CSMD1: variants seen among roughly 807,000 people sequenced by gnomAD.
CSMD1 encodes CUB and Sushi multiple domains 1.
CSMD1 carries 213 observed loss-of-function variants against 417.5 expected under a neutral mutation model. The observed-to-expected ratio is 0.51, with a 90% CI of 0.46 to 0.57. The LOEUF (loss-of-function observed/expected upper bound fraction) is 0.57. Among genes scored for constraint, CSMD1 ranks in the 20% least tolerant of loss-of-function variants. The pLI, the probability that CSMD1 is intolerant of heterozygous loss-of-function variation, is 0.00. For synonymous variants in CSMD1, 2,862 were observed against 1,736.8 expected (o/e 1.65, Z -16.11); for missense variants, 6,923 against 4,529.7 (o/e 1.53, Z -15.17).
chr8:3,472,535 T>C (rs762430717), intron 11 of CSMD1, among the ~76,000 whole-genome samples: 1 of 152,102 alleles, frequency 6.6e-6, no homozygotes, highest in South Asian at 2.1e-4. Flanking sequence ...CTCTCTATCT[T>C]CCTGTATGTG....
At chr8:3,209,483 A>T (rs1262980401) in intron 30 of CSMD1, among the ~76,000 whole-genome samples, 1 of 151,692 alleles carries the variant, frequency 6.6e-6, no homozygotes, top group Non-Finnish European at 1.5e-5. Flanking sequence ...TGCCCGGCTA[A>T]TTTTTTTGTA....
chr8:3,259,046 G>A (rs1800864677), intron 26 of CSMD1, among the ~76,000 whole-genome samples: 1 of 152,136 alleles, frequency 6.6e-6, no homozygotes, highest in South Asian at 2.1e-4. Flanking sequence ...GTACTCCAGA[G>A]CTCTAGGGAA....
chr8:4,832,040 T>C (rs1179505311), intron 1 of CSMD1, among the ~76,000 whole-genome samples: 1 of 152,232 alleles, frequency 6.6e-6, no homozygotes, highest in Non-Finnish European at 1.5e-5. Context: ...ATGCCACATG[T>C]TACCTTACAA....
Position 4,619,857 on chromosome 8 carries a change from A to C in CSMD1, c.302+17485T>G, listed in dbSNP as rs551197351. On this transcript the variant is annotated intron_variant, in intron 2 of 69. Transcript: ENST00000635120. ...TTGGAATTAAATAATTCCATGATAA[A>C]ATGAAGTCATTTTAGGACAATTACA... Among the ~76,000 whole-genome samples, 22 of 152,224 alleles carry C rather than the reference A, an allele frequency of 1.4e-4. No homozygotes were observed. The East Asian group carries it at 4.2e-3, about 29-fold the overall frequency.
At chr8:4,741,688 C>A (rs957421130) in intron 1 of CSMD1, among the ~76,000 whole-genome samples, 6 of 152,100 alleles carry the variant, frequency 3.9e-5, no homozygotes, top group Non-Finnish European at 8.8e-5. Context: ...ACATCTTTTC[C>A]ATTGTCTTCA....
At chr8:3,669,592 C>G (rs558687052) in intron 7 of CSMD1, among the ~76,000 whole-genome samples, 3 of 152,162 alleles carry the variant, frequency 2.0e-5, no homozygotes, top group Non-Finnish European at 4.4e-5. Context: ...CTCTTCCGGA[C>G]AGAAAATCAC....
chr8:3,407,422 T>TGGAC (rs1185854298), intron 14 of CSMD1, among the ~76,000 whole-genome samples: 2 of 149,034 alleles, frequency 1.3e-5, no homozygotes, highest in African/African-American at 5.0e-5. Flanking sequence ...GATGGAAGGA[T>TGGAC]GGATGGATAG....
chr8:3,494,483 A>T (rs993798123), intron 10 of CSMD1, among the ~76,000 whole-genome samples: 3 of 152,134 alleles, frequency 2.0e-5, no homozygotes, highest in African/African-American at 7.2e-5. Flanking sequence ...ACATGATGAT[A>T]ATTAGAGGAA....
Position 3,713,752 on chromosome 8 carries a change from G to A in CSMD1, c.932-5261C>T, listed in dbSNP as rs141933915. On this transcript the variant is annotated intron_variant, in intron 6 of 69. Transcript: ENST00000635120. The stretch of plus-strand genomic sequence containing the variant: ...GTACTCAATATGAGGAGATGCCATT[G>A]CAAATCCTCACAAATCACAGAGGAA... 4.7e-3 allele frequency among the ~76,000 whole-genome samples: 714 copies of A among 152,292 alleles called. 5 individuals are homozygous for A. The highest frequency in any genetic ancestry group is 0.017 in the African/African-American group (698 of 41,550).
intron 3 of CSMD1, among the ~76,000 whole-genome samples, chr8:4,091,504 T>A (rs1410843806): frequency 6.6e-6 from 1 of 152,236 alleles, no homozygotes; most frequent in Non-Finnish European, 1.5e-5. Flanking sequence ...ATATGCTGCA[T>A]TGCTGGAAGA....
intron 3 of CSMD1, among the ~76,000 whole-genome samples, chr8:4,385,141 G>T (rs1199662736): frequency 7.3e-6 from 1 of 136,578 alleles, no homozygotes; most frequent in Admixed American, 7.5e-5. Context: ...TGGCCAGGCT[G>T]GTCTTGAACT....
chr8:3,247,504 C>T (rs1799959140), intron 26 of CSMD1, among the ~76,000 whole-genome samples: 2 of 152,162 alleles, frequency 1.3e-5, no homozygotes, highest in African/African-American at 4.8e-5. Context: ...AGAAAAGGCC[C>T]ATCCAACCCT....
At chr8:4,057,293 G>C (rs1427994166) in intron 3 of CSMD1, among the ~76,000 whole-genome samples, 1 of 152,176 alleles carries the variant, frequency 6.6e-6, no homozygotes, top group Admixed American at 6.5e-5. Flanking sequence ...GTGATGGTGA[G>C]CATTTTTTCA....
At chr8:3,035,313 C>T (rs1307671466) in intron 50 of CSMD1, among the ~76,000 whole-genome samples, 1 of 152,116 alleles carries the variant, frequency 6.6e-6, no homozygotes, top group Non-Finnish European at 1.5e-5. Context: ...TGTAATTCTA[C>T]TGTAAGCGGA....
intron 50 of CSMD1, among the ~76,000 whole-genome samples, chr8:3,048,718 A>G (rs1278402861): frequency 1.3e-5 from 2 of 151,780 alleles, no homozygotes; most frequent in Non-Finnish European, 2.9e-5. Context: ...TGCATTTTAA[A>G]AAGAACAGAT....
chr8:3,296,609 C>G (rs767162340), intron 25 of CSMD1, among the ~76,000 whole-genome samples: 2 of 152,062 alleles, frequency 1.3e-5, no homozygotes, highest in Admixed American at 1.3e-4. Flanking sequence ...TTTGAGTAAT[C>G]CAAGAAAGTG....
chr8:3,526,873 G>A (rs1288889390), intron 10 of CSMD1, among the ~76,000 whole-genome samples: 2 of 152,148 alleles, frequency 1.3e-5, no homozygotes, highest in African/African-American at 4.8e-5. Context: ...TCTTTGGAGA[G>A]GTAAAGTGCT....
chr8:4,184,130 A>T (rs1291500496), intron 3 of CSMD1, among the ~76,000 whole-genome samples: 1 of 152,232 alleles, frequency 6.6e-6, no homozygotes, highest in African/African-American at 2.4e-5. Flanking sequence ...CTAAAACTTC[A>T]TTAAAATATA....
intron 5 of CSMD1, among the ~76,000 whole-genome samples, chr8:3,863,654 C>T (rs537279899): frequency 3.9e-5 from 6 of 152,126 alleles, no homozygotes; most frequent in Admixed American, 3.9e-4. Flanking sequence ...TACAAATATT[C>T]TAACACACAC....
Sources: allele counts gnomAD v4.1 joint callset (sites outside exome capture counted in the v4.1 genomes callset), GRCh38; gene constraint gnomAD v4.1.1; transcripts MANE v1.5; gene names NCBI Gene and HGNC (gene_info 2026-07-23, HGNC 2026-07-21).